Variants in DNAJC9 observed in about 807,000 individuals in gnomAD.
DNAJC9 encodes dnaJ homolog subfamily C member 9.
A neutral mutation model predicts 32.4 loss-of-function variants in DNAJC9; 18 were observed. The observed-to-expected ratio is 0.56, with a 90% CI of 0.38 to 0.82. The LOEUF is 0.82. Among genes scored for constraint, DNAJC9 ranks in the 40% least tolerant of loss-of-function variants. The pLI is 0.00. For missense variants in DNAJC9, 310 were observed against 321.8 expected, an observed-to-expected ratio of 0.96 and a Z score of 0.28; for synonymous variants, 113 against 122.1, an observed-to-expected ratio of 0.93 and a Z score of 0.49.
chr10:73,239,337 G>A (rs2043892681), downstream of DNAJC9: 6 of 1,551,610 alleles, frequency 3.9e-6, no homozygotes, highest in African/African-American at 1.4e-5. Context: ...CGTCGCTCAT[G>A]TGCAGTTGAG....
chr10:73,235,264 A>C (rs1564717101), downstream of DNAJC9: 1 of 1,552,138 alleles, frequency 6.4e-7, no homozygotes, highest in Admixed American at 2.0e-5. Context: ...AGCCACAAGA[A>C]AGGCTCCTTT....
downstream of DNAJC9, chr10:73,241,048 A>G (rs148020699): frequency 1.6e-6 from 2 of 1,230,486 alleles, no homozygotes; most frequent in Admixed American, 4.0e-5. Flanking sequence ...ATCAGGCTGC[A>G]GGAAACACGA....
downstream of DNAJC9, chr10:73,239,108 T>G (rs2043887813): frequency 3.9e-6 from 2 of 506,562 alleles, no homozygotes; most frequent in Non-Finnish European, 7.1e-6. Context: ...AATCTGCAAT[T>G]TTTACAATAA....
At chr10:73,243,960 C>A (rs776468235) in intron 3 of DNAJC9, 31 bp from the exon 4 acceptor site, 1 of 1,579,516 alleles carries the variant, frequency 6.3e-7, no homozygotes, top group Admixed American at 1.8e-5. Flanking sequence ...AGACTCAGGG[C>A]CACCAGGAAA....
downstream of DNAJC9, among the ~76,000 whole-genome samples, chr10:73,238,418 T>A (rs2043870908): frequency 6.6e-6 from 1 of 152,212 alleles, no homozygotes; most frequent in Admixed American, 6.5e-5. Flanking sequence ...TCCTTGCTGT[T>A]TTCATCTAGA....
In DNAJC9 at chr10:73,243,437, C is replaced by T. The variant is rs564268005; in HGVS notation, c.746G>A (p.Gly249Glu). Residue 249 changes from glycine to glutamate, a missense_variant, in exon 5 of 5, where the codon GGA becomes GAA. Physicochemically the swap from Gly to Glu is moderately conservative, Grantham distance 98. Transcript: ENST00000372950. ...EAKYCKSSKG[G>E]GKKSALKKEK... ...TTTCTTGAGAGCAGATTTTTTCCCT[C>T]CTCCTTTGGAAGATTTGCAGTACTT... is the stretch of plus-strand genomic sequence containing the variant. 1.5e-5 allele frequency: 24 copies of T among 1,613,918 alleles called. No individual in the cohort carries two copies. The African/African-American group carries it at 2.9e-4, about 20-fold the overall frequency.
At chr10:73,238,776 T>C (rs2043880552), downstream of DNAJC9, 1 of 152,328 alleles carries the variant, frequency 6.6e-6, no homozygotes, top group African/African-American at 2.4e-5. Context: ...GGATGTCATA[T>C]ATAGCTTTAT....
chr10:73,238,114 G>A (rs1022093728), downstream of DNAJC9, among the ~76,000 whole-genome samples: 2 of 152,148 alleles, frequency 1.3e-5, no homozygotes, highest in African/African-American at 2.4e-5. Context: ...GGGAGGCTGA[G>A]GTGGGCAGAT....
downstream of DNAJC9, among the ~76,000 whole-genome samples, chr10:73,237,275 A>T (rs556412473): frequency 1.3e-5 from 2 of 152,316 alleles, no homozygotes; most frequent in African/African-American, 4.8e-5. Flanking sequence ...CAAGAAAAGG[A>T]AACATGAGCA....
chr10:73,243,573 T>C, intron 4 of DNAJC9, 54 bp from the exon 5 acceptor site: 1 of 1,600,320 alleles, frequency 6.2e-7, no homozygotes, highest in Non-Finnish European at 8.5e-7. Context: ...AGACAGAAAG[T>C]ACCTAGTGGT....
At chr10:73,239,857 A>G (rs569692851), downstream of DNAJC9, among the ~76,000 whole-genome samples, 2 of 152,370 alleles carry the variant, frequency 1.3e-5, no homozygotes, top group East Asian at 3.9e-4. Context: ...GTCTGATTCT[A>G]TCGCATTAAC....
At chr10:73,232,755 A>G (rs983749873) in intron 2 of DNAJC9, among the ~76,000 whole-genome samples, 1 of 152,232 alleles carries the variant, frequency 6.6e-6, no homozygotes, top group Non-Finnish European at 1.5e-5. Flanking sequence ...CACTTTTAAG[A>G]ACAGATTCTC....
downstream of DNAJC9, among the ~76,000 whole-genome samples, chr10:73,237,932 G>A (rs1218844613): frequency 2.0e-5 from 3 of 151,984 alleles, no homozygotes; most frequent in Non-Finnish European, 2.9e-5. Flanking sequence ...AAACTGAACA[G>A]ATGAAAATGT....
At chr10:73,240,714 CA>C (rs55812252), downstream of DNAJC9, among the ~76,000 whole-genome samples, 379 of 106,862 alleles carry the variant, frequency 3.5e-3, 1 homozygote, top group East Asian at 0.016. Flanking sequence ...ACTCCACCTC[CA>C]AAAAAAAAAA....
At chr10:73,239,522 C>G, downstream of DNAJC9, 1 of 631,492 alleles carries the variant, frequency 1.6e-6, no homozygotes, top group Admixed American at 3.2e-5. Context: ...TGTAAATCAC[C>G]TAAAATTCAT....
chr10:73,241,104 A>G (rs1276005854), downstream of DNAJC9: 1 of 807,110 alleles, frequency 1.2e-6, no homozygotes, highest in Non-Finnish European at 2.1e-6. Context: ...CAGAGCTTGT[A>G]TAGAAGATCG....
Position 73,246,769 on chromosome 10 carries a change from C to A in DNAJC9, c.240G>T (p.Glu80Asp), listed in dbSNP as rs553610243. The A allele has an allele frequency of 9.3e-6, 15 of 1,614,186 alleles. No individual in the cohort carries two copies. Among genetic ancestry groups the A allele is most frequent in the East Asian group, 8.9e-5 (4 of 44,886 alleles). Reference sequence around the variant, plus strand: ...GAGAGTCCTCGTCCACTGTTCCCTGCTCATCGTACACTGCTCTCTGTTCTC... The same window carrying A: ...GAGAGTCCTCGTCCACTGTTCCCTGATCATCGTACACTGCTCTCTGTTCTC... ...SDREQRAVYD[E>D]QGTVDEDSPV... The change falls in exon 2 of 5, where the codon GAG becomes GAT. Residue 80 changes from glutamate (E) to aspartate (D), a missense_variant. Physicochemically the swap from Glu to Asp is conservative, Grantham distance 45 (BLOSUM62 2). Coordinates refer to ENST00000372950, the MANE Select transcript of DNAJC9 (RefSeq NM_015190.5).
At chr10:73,239,320 A>G (rs1279537452), downstream of DNAJC9, 2 of 1,551,606 alleles carry the variant, frequency 1.3e-6, no homozygotes, top group South Asian at 2.4e-5. Context: ...AGCTGGATAC[A>G]CAGTATCGTC....
In DNAJC9 at chr10:73,247,017, C is replaced by T. The variant is rs1487860276; in HGVS notation, c.173G>A (p.Arg58His). Residue 58 changes from arginine to histidine, a missense_variant, in exon 1 of 5, where the codon CGC (arginine) becomes CAC (histidine). By Grantham distance (29) the Arg-to-His change is conservative (BLOSUM62 0). Coordinates refer to ENST00000372950, the MANE Select transcript of DNAJC9 (RefSeq NM_015190.5). ...GEGDKEDATR[R>H]FQILGKVYSV... is the part of the protein sequence containing the mutation. ...GGGCGGGACCCTGCATACCTGGAAG[C>T]GGCGGGTGGCGTCCTCCTTGTCGCC... The T allele has an allele frequency of 6.6e-7, 1 of 1,520,516 alleles. No homozygotes were observed. Among genetic ancestry groups the T allele is most frequent in the Non-Finnish European group, 8.8e-7 (1 of 1,130,690 alleles). 94.2% of individuals were successfully genotyped at this position (1,520,516 alleles called of 1,614,324 possible). A position where few individuals can be genotyped will look rare whatever the true frequency, so the allele number is the denominator to read the frequency against.
Sources: allele counts gnomAD v4.1 joint callset (sites outside exome capture counted in the v4.1 genomes callset), GRCh38; gene constraint gnomAD v4.1.1; transcripts MANE v1.5; gene names NCBI Gene and HGNC (gene_info 2026-07-23, HGNC 2026-07-21).